The following DNAJB13 variants were observed in gnomAD, a reference collection of about 807,000 sequenced individuals.
DNAJB13 encodes the protein dnaJ homolog subfamily B member 13.
A neutral mutation model predicts 35.6 loss-of-function variants in DNAJB13; 22 were observed. The ratio of observed to expected loss-of-function variants is 0.62; its 90% CI spans 0.44 to 0.88. The LOEUF is 0.88. Among genes scored for constraint, DNAJB13 ranks in the 40% least tolerant of loss-of-function variants. The probability of loss-of-function intolerance (pLI) is 0.00; values close to 1 mark genes in which losing one functional copy is unlikely to be tolerated. For synonymous variants in DNAJB13, 136 were observed against 144.2 expected (o/e 0.94, Z 0.41); for missense variants, 370 against 384.3 (o/e 0.96, Z 0.31).
intron 3 of DNAJB13, 66 bp from the exon 4 acceptor site, chr11:73,964,812 T>TGTGTGTGCGC (rs1491290663): frequency 5.7e-6 from 4 of 698,228 alleles, no homozygotes; most frequent in Admixed American, 2.9e-5. Context: ...TGTGTGTGTG[T>TGTGTGTGCGC]GCGCGCGCGC....
Position 73,958,338 on chromosome 11 carries a change from G to A in DNAJB13, c.90G>A (p.Lys30=), listed in dbSNP as rs1202604646. ...CCAGGTACCGCAGACTCGCCCTTAA[G>A]CACCACCCGTTGAAGTCAAATGAGC... ...IKQAYRRLAL[K]HHPLKSNEPS... Residue 30 remains lysine (K), a synonymous_variant, in exon 2 of 8, where the codon AAG becomes AAA. Coordinates refer to ENST00000339764, the MANE Select transcript of DNAJB13 (RefSeq NM_153614.4). The A allele has an allele frequency of 6.2e-7, 1 of 1,613,578 alleles. No homozygotes were observed. The highest frequency in any genetic ancestry group is 1.7e-5 in the Admixed American group (1 of 59,954).
chr11:73,969,663 C>T (rs558945372), intron 7 of DNAJB13, among the ~76,000 whole-genome samples: 3 of 152,326 alleles, frequency 2.0e-5, no homozygotes, highest in East Asian at 1.9e-4. Flanking sequence ...GCCCTCTGCC[C>T]GTGAGGAGGT....
intron 5 of DNAJB13, among the ~76,000 whole-genome samples, chr11:73,967,445 T>C (rs1247848857): frequency 1.3e-5 from 2 of 152,246 alleles, no homozygotes; most frequent in African/African-American, 4.8e-5. Flanking sequence ...CTTTCTCACC[T>C]ATGAAACATC....
intron 1 of DNAJB13, among the ~76,000 whole-genome samples, chr11:73,954,842 G>A (rs567926791): frequency 1.3e-5 from 2 of 151,362 alleles, no homozygotes; most frequent in Admixed American, 6.6e-5. Flanking sequence ...TCCCAGCTAC[G>A]CGGGAGGCTG....
intron 1 of DNAJB13, among the ~76,000 whole-genome samples, chr11:73,957,041 TG>T (rs1359801302): frequency 6.6e-6 from 1 of 151,632 alleles, no homozygotes; most frequent in Non-Finnish European, 1.5e-5. Context: ...GGAGGCAAGG[TG>T]GGGGGTCACG....
intron 3 of DNAJB13, among the ~76,000 whole-genome samples, chr11:73,961,732 G>A (rs1359319003): frequency 6.6e-6 from 1 of 152,218 alleles, no homozygotes; most frequent in Admixed American, 6.5e-5. Flanking sequence ...TCTCTAGCAG[G>A]GAAGGTATGC....
intron 1 of DNAJB13, among the ~76,000 whole-genome samples, chr11:73,957,581 C>A (rs1464735441): frequency 2.0e-5 from 3 of 152,180 alleles, no homozygotes; most frequent in Non-Finnish European, 2.9e-5. Context: ...GCCGCAGACT[C>A]GCCCTTTAAC....
intron 1 of DNAJB13, 63 bp from the exon 2 acceptor site, chr11:73,958,254 A>ACT: frequency 1.9e-6 from 3 of 1,544,216 alleles, no homozygotes; most frequent in Non-Finnish European, 2.7e-6. Context: ...CCGGCTCTGA[A>ACT]CTCTGGTCCG....
rs186437742 is a variant in DNAJB13 at position 73,961,195 on chromosome 11, G to A, written c.334+1540G>A. On this transcript the variant is annotated intron_variant, in intron 3 of 7. Transcript: ENST00000339764. ...CTCAGGAGGCTGAGGTGGGAGAATC[G>A]CCTGAGCCCAGGAGGTTGAGGCTGC... 4.0e-3 allele frequency among the ~76,000 whole-genome samples: 604 copies of A among 152,258 alleles called. 6 individuals are homozygous for A. Among genetic ancestry groups the A allele is most frequent in the African/African-American group, 0.014 (565 of 41,522 alleles).
chr11:73,951,955 T>G (rs1048401433), intron 1 of DNAJB13, among the ~76,000 whole-genome samples: 4 of 133,200 alleles, frequency 3.0e-5, no homozygotes, highest in African/African-American at 1.1e-4. Flanking sequence ...CAAAAACATG[T>G]TTTTTTTTTT....
intron 5 of DNAJB13, among the ~76,000 whole-genome samples, chr11:73,967,108 C>G (rs1263044696): frequency 1.3e-5 from 2 of 152,116 alleles, no homozygotes; most frequent in Admixed American, 1.3e-4. Flanking sequence ...CTGTCTCGGC[C>G]TCCCAAAGTG....
chr11:73,966,340 T>G lies in DNAJB13; in HGVS notation c.606+89T>G, dbSNP rs1404093153. On this transcript the variant is annotated intron_variant, in intron 5 of 7. Coordinates refer to ENST00000339764, the MANE Select transcript of DNAJB13 (RefSeq NM_153614.4). Reference sequence around the variant, plus strand: ...GAAAGGAAGGGAAAGGAGGCAATACTTTTTCCTGCCCCTGTGAGCCTTGGT... The same window carrying G: ...GAAAGGAAGGGAAAGGAGGCAATACGTTTTCCTGCCCCTGTGAGCCTTGGT... The G allele has an allele frequency of 4.8e-6, 6 of 1,243,696 alleles. No homozygotes were observed. In the East Asian group the frequency reaches 1.5e-4, roughly 31 times the overall value. 77.0% of individuals were successfully genotyped at this position (1,243,696 alleles called of 1,614,324 possible). A position where few individuals can be genotyped will look rare whatever the true frequency, so the allele number is the denominator to read the frequency against.
At chr11:73,965,707 TTC>T (rs1951095202) in intron 4 of DNAJB13, 1 of 170,368 alleles carries the variant, frequency 5.9e-6, no homozygotes, top group Admixed American at 5.7e-5. Flanking sequence ...TGACTTTCAT[TTC>T]TCTCTTTGGG....
At position 73,968,409 on chromosome 11, in the gene DNAJB13, G is replaced by C. The variant is rs147921001; in HGVS notation, c.671G>C (p.Arg224Pro). The C allele has an allele frequency of 1.9e-6, 3 of 1,613,940 alleles. No individual in the cohort carries two copies. In the African/African-American group the frequency reaches 4.0e-5, roughly 22 times the overall value. ...AAGGAGAAGCTACACCCTCGCTTCC[G>C]CAGGGAGAATGACAACCTCTTCTTC... The part of the protein sequence containing the change: ...IVKEKLHPRF[R>P]RENDNLFFVN... The change falls in exon 6 of 8, where the codon CGC becomes CCC. Residue 224 changes from arginine to proline, a missense_variant. Transcript: ENST00000339764.
chr11:73,966,600 T>C (rs948014955), intron 5 of DNAJB13, among the ~76,000 whole-genome samples: 9 of 152,188 alleles, frequency 5.9e-5, no homozygotes, highest in Non-Finnish European at 8.8e-5. Flanking sequence ...TCTTCAGTGC[T>C]TCTCAGAATA....
chr11:73,957,052 G>A lies in DNAJB13; in HGVS notation c.69-1265G>A, dbSNP rs543547061. On this transcript the variant is annotated intron_variant, in intron 1 of 7. Coordinates refer to ENST00000339764, the MANE Select transcript of DNAJB13 (RefSeq NM_153614.4). ...GGGTGGAGGCAAGGTGGGGGGTCAC[G>A]CCTGGGCTGAATGACAGGCGTCTGT... 3.3e-5 allele frequency among the ~76,000 whole-genome samples: 5 copies of A among 152,220 alleles called. No homozygotes were observed. The East Asian group carries it at 9.7e-4, about 29-fold the overall frequency.
At chr11:73,953,382 A>G (rs936724774) in intron 1 of DNAJB13, among the ~76,000 whole-genome samples, 1 of 152,186 alleles carries the variant, frequency 6.6e-6, no homozygotes, top group African/African-American at 2.4e-5. Context: ...TAGAAGGAAG[A>G]GCTTTATTCA....
At chr11:73,952,777 G>T (rs548504611) in intron 1 of DNAJB13, among the ~76,000 whole-genome samples, 1 of 152,346 alleles carries the variant, frequency 6.6e-6, no homozygotes, top group Non-Finnish European at 1.5e-5. Flanking sequence ...TGCTAGCTGC[G>T]TGACCTGGGC....
chr11:73,966,088 A>T, intron 4 of DNAJB13, 50 bp from the exon 5 acceptor site: 1 of 1,522,220 alleles, frequency 6.6e-7, no homozygotes, highest in Non-Finnish European at 9.0e-7. Flanking sequence ...TCTCGACTGT[A>T]CTCATGGAAG....
Sources: allele counts gnomAD v4.1 joint callset (sites outside exome capture counted in the v4.1 genomes callset), GRCh38; gene constraint gnomAD v4.1.1; transcripts MANE v1.5; gene names NCBI Gene and HGNC (gene_info 2026-07-23, HGNC 2026-07-21).